LDLRAD4: variants seen among roughly 807,000 people sequenced by gnomAD.
The protein encoded by LDLRAD4 is low-density lipoprotein receptor class A domain-containing protein 4.
LDLRAD4 carries 5 observed loss-of-function variants against 17.0 expected under a neutral mutation model. The observed-to-expected ratio is 0.29, with a 90% CI of 0.15 to 0.62. The LOEUF is 0.62. Among genes scored for constraint, LDLRAD4 ranks in the 20% least tolerant of loss-of-function variants. The pLI is 0.84. For synonymous variants in LDLRAD4, 168 were observed against 171.8 expected, an observed-to-expected ratio of 0.98 and a Z score of 0.17; for missense variants, 340 against 424.7, an observed-to-expected ratio of 0.80 and a Z score of 1.75.
At chr18:13,442,472 C>T (rs1211399163) in intron 3 of LDLRAD4, among the ~76,000 whole-genome samples, 4 of 152,172 alleles carry the variant, frequency 2.6e-5, no homozygotes, top group African/African-American at 4.8e-5. Flanking sequence ...ATGAGGGTGG[C>T]GCTGTCTTGG....
chr18:13,490,971 G>T (rs1474385261), intron 3 of LDLRAD4, among the ~76,000 whole-genome samples: 1 of 152,216 alleles, frequency 6.6e-6, no homozygotes, highest in Non-Finnish European at 1.5e-5. Context: ...TCAGATGTTG[G>T]AAATTAACCT....
At position 13,621,253 on chromosome 18, in the gene LDLRAD4, G is replaced by A; in HGVS notation, c.318G>A (p.Arg106=). The change falls in exon 4 of 6, where the codon CGG becomes CGA. Residue 106 remains arginine, a synonymous_variant. Transcript: ENST00000359446. The surrounding 1 kb of genome is among the most constrained non-coding windows in gnomAD (Gnocchi z 5.5). The stretch of plus-strand genomic sequence containing the variant: ...ACCGCCCGAACCAGAGCCGGAGGCG[G>A]GAGGACGGGCTGCCGCAGGTGAGTA... 1.9e-6 allele frequency: 3 copies of A among 1,612,922 alleles called. No homozygotes were observed. Among genetic ancestry groups the A allele is most frequent in the Non-Finnish European group, 2.5e-6 (3 of 1,179,878 alleles).
At chr18:13,344,065 G>A (rs529620234) in intron 1 of LDLRAD4, among the ~76,000 whole-genome samples, 141 of 152,244 alleles carry the variant, frequency 9.3e-4, no homozygotes, top group Non-Finnish European at 1.6e-3. Flanking sequence ...TTCTTTTGCT[G>A]TGCAGAAGCT....
At chr18:13,338,795 A>G (rs1316641901) in intron 1 of LDLRAD4, among the ~76,000 whole-genome samples, 2 of 152,072 alleles carry the variant, frequency 1.3e-5, no homozygotes, top group East Asian at 3.9e-4. Context: ...TTAGCTGGGT[A>G]GATTTGTGAG....
At chr18:13,449,224 G>C (rs1329176396) in intron 3 of LDLRAD4, among the ~76,000 whole-genome samples, 6 of 152,214 alleles carry the variant, frequency 3.9e-5, no homozygotes, top group Non-Finnish European at 8.8e-5. Flanking sequence ...AATTGCCGTG[G>C]TCCTCCGGAA....
intron 2 of LDLRAD4, among the ~76,000 whole-genome samples, chr18:13,428,612 G>A (rs1341678910): frequency 6.6e-6 from 1 of 152,170 alleles, no homozygotes; most frequent in Non-Finnish European, 1.5e-5. Flanking sequence ...GGAGGAGCTA[G>A]GAGATCACCA....
At chr18:13,369,975 A>G (rs2084339379) in intron 1 of LDLRAD4, among the ~76,000 whole-genome samples, 1 of 152,128 alleles carries the variant, frequency 6.6e-6, no homozygotes, top group Non-Finnish European at 1.5e-5. Context: ...GGATTCTGGG[A>G]GGTTTTGCGC....
At chr18:13,583,201 G>T (rs928631994) in intron 3 of LDLRAD4, among the ~76,000 whole-genome samples, 34 of 152,192 alleles carry the variant, frequency 2.2e-4, no homozygotes, top group African/African-American at 7.9e-4. Flanking sequence ...TGTAATATTA[G>T]TACAAAATTA....
chr18:13,418,019 A>C (rs1380326740), intron 2 of LDLRAD4, among the ~76,000 whole-genome samples: 1 of 152,210 alleles, frequency 6.6e-6, no homozygotes, highest in Non-Finnish European at 1.5e-5. Flanking sequence ...AACATGGCTC[A>C]CATCTCGTTT....
intron 4 of LDLRAD4, among the ~76,000 whole-genome samples, chr18:13,630,332 C>T (rs2041557847): frequency 6.6e-6 from 1 of 152,100 alleles, no homozygotes. Context: ...GTACTGGCCT[C>T]ACATCCAGGC....
intron 1 of LDLRAD4, among the ~76,000 whole-genome samples, chr18:13,283,296 G>A (rs1226808551): frequency 6.6e-6 from 1 of 152,124 alleles, no homozygotes; most frequent in Non-Finnish European, 1.5e-5. Flanking sequence ...CTTTTCTATT[G>A]CATAGTCAGC....
chr18:13,266,322 C>T (rs894292225), intron 1 of LDLRAD4, among the ~76,000 whole-genome samples: 4 of 152,208 alleles, frequency 2.6e-5, no homozygotes, highest in African/African-American at 7.2e-5. Context: ...AGCCTGGGAG[C>T]TCCTCGAGGG....
At chr18:13,312,704 C>T (rs568434840) in intron 1 of LDLRAD4, among the ~76,000 whole-genome samples, 13 of 152,006 alleles carry the variant, frequency 8.6e-5, no homozygotes, top group Non-Finnish European at 1.3e-4. Flanking sequence ...ATCGCACCAC[C>T]GCACTCCAGC....
At chr18:13,236,098 T>G (rs1056482612) in intron 1 of LDLRAD4, among the ~76,000 whole-genome samples, 2 of 152,166 alleles carry the variant, frequency 1.3e-5, no homozygotes, top group Admixed American at 1.3e-4. Flanking sequence ...TTTTAAGCAT[T>G]TTGGAAGCGC....
chr18:13,260,431 G>T (rs2043751872), intron 1 of LDLRAD4, among the ~76,000 whole-genome samples: 1 of 152,224 alleles, frequency 6.6e-6, no homozygotes, highest in South Asian at 2.1e-4. Flanking sequence ...TGTCATAAAT[G>T]CCTTAAATGT....
chr18:13,246,486 G>A (rs1428425820), intron 1 of LDLRAD4, among the ~76,000 whole-genome samples: 1 of 152,250 alleles, frequency 6.6e-6, no homozygotes, highest in Non-Finnish European at 1.5e-5. Flanking sequence ...GAGGAGATGG[G>A]GAGTGATTTA....
chr18:13,369,074 G>C (rs990634066), intron 1 of LDLRAD4, among the ~76,000 whole-genome samples: 1 of 152,234 alleles, frequency 6.6e-6, no homozygotes, highest in African/African-American at 2.4e-5. Flanking sequence ...CTGGACGTCA[G>C]GCTATAGAAG....
At position 13,333,285 on chromosome 18, in the gene LDLRAD4, T is replaced by C. The variant is rs573594978; in HGVS notation, c.-382-54056T>C. On this transcript the variant is annotated intron_variant, in intron 1 of 5. Transcript: ENST00000359446. The stretch of plus-strand genomic sequence containing the variant: ...TGTTTGTTTTCTTATTTTTGAGTTT[T>C]AAGAATTCTTTGTATGTTTTGGATA... Among the ~76,000 whole-genome samples, 8 of 152,372 alleles carry C rather than the reference T, an allele frequency of 5.3e-5. No individual in the cohort carries two copies. In the East Asian group the frequency reaches 1.5e-3, roughly 29 times the overall value.
intron 3 of LDLRAD4, among the ~76,000 whole-genome samples, chr18:13,582,156 T>C (rs567020515): frequency 6.6e-6 from 1 of 152,266 alleles, no homozygotes; most frequent in African/African-American, 2.4e-5. Context: ...TAGTGATTTA[T>C]GCCAAAAATG....
Sources: allele counts gnomAD v4.1 joint callset (sites outside exome capture counted in the v4.1 genomes callset), GRCh38; gene constraint gnomAD v4.1.1; non-coding constraint Gnocchi (gnomAD v3.1); transcripts MANE v1.5; gene names NCBI Gene and HGNC (gene_info 2026-07-23, HGNC 2026-07-21).